GSE1: variants seen among roughly 807,000 people sequenced by gnomAD.
GSE1 encodes the protein Gse1 coiled-coil protein, also known as genetic suppressor element 1.
Under a neutral mutation model 112.6 loss-of-function variants are expected in GSE1, and 32 were observed. The observed-to-expected ratio is 0.28, with a 90% CI of 0.21 to 0.38. The LOEUF (loss-of-function observed/expected upper bound fraction) is 0.38. Ranked by LOEUF, GSE1 falls within the 10% of genes least tolerant of loss-of-function variation. GSE1 has a pLI of 1.00. For synonymous variants in GSE1, 1,115 were observed against 735.6 expected (o/e 1.52, Z -8.35); for missense variants, 2,348 against 1,699.2 (o/e 1.38, Z -6.71).
chr16:85,666,466 C>T (rs537985294), intron 13 of GSE1, 119 bp downstream of exon 13: 2 of 888,056 alleles, frequency 2.3e-6, no homozygotes, highest in East Asian at 2.5e-5. Flanking sequence ...AAACTCCAAT[C>T]ACCAGAAGAA....
chr16:85,300,784 G>A (rs2045501777), intron 1 of GSE1, among the ~76,000 whole-genome samples: 1 of 151,516 alleles, frequency 6.6e-6, no homozygotes, highest in African/African-American at 2.5e-5. Flanking sequence ...TGGATGGTGA[G>A]GCAGGATTTA....
intron 2 of GSE1, among the ~76,000 whole-genome samples, chr16:85,393,355 G>A (rs2047889591): frequency 6.6e-6 from 1 of 152,186 alleles, no homozygotes; most frequent in Non-Finnish European, 1.5e-5. Context: ...GAGGCCAGGG[G>A]CCACACCCTC....
At chr16:85,537,846 G>T (rs1361683484) in intron 2 of GSE1, among the ~76,000 whole-genome samples, 3 of 152,250 alleles carry the variant, frequency 2.0e-5, no homozygotes, top group Non-Finnish European at 4.4e-5. Context: ...GGGCGGTTGG[G>T]GTGGGCCTCT....
At chr16:85,657,881 C>G (rs930342288) in intron 8 of GSE1, among the ~76,000 whole-genome samples, 2 of 152,206 alleles carry the variant, frequency 1.3e-5, no homozygotes, top group African/African-American at 2.4e-5. Context: ...GCAGCCTGAC[C>G]TAGTTCCCAG....
At chr16:85,215,977 G>A (rs1018451046) in intron 1 of GSE1, among the ~76,000 whole-genome samples, 1 of 152,180 alleles carries the variant, frequency 6.6e-6, no homozygotes, top group African/African-American at 2.4e-5. Context: ...TTGGAGGGGT[G>A]GGCCAGAGAC....
intron 1 of GSE1, among the ~76,000 whole-genome samples, chr16:85,229,932 C>T (rs1427589397): frequency 1.3e-5 from 2 of 152,318 alleles, no homozygotes; most frequent in South Asian, 2.1e-4. Context: ...AAGAAAGTGT[C>T]TCCCAGGAGG....
At chr16:85,526,385 G>A (rs1009218341) in intron 2 of GSE1, among the ~76,000 whole-genome samples, 1 of 152,262 alleles carries the variant, frequency 6.6e-6, no homozygotes, top group Admixed American at 6.5e-5. Context: ...GAAGTAGAGT[G>A]CGTGCCCCAC....
chr16:85,649,433 T>C (rs1368667618), intron 3 of GSE1, among the ~76,000 whole-genome samples: 2 of 152,206 alleles, frequency 1.3e-5, no homozygotes, highest in Non-Finnish European at 2.9e-5. Flanking sequence ...ACAAGACATC[T>C]GGTGGGTTTT....
chr16:85,171,018 G>A, exon 1 of GSE1: 5 of 985,674 alleles, frequency 5.1e-6, no homozygotes, highest in Non-Finnish European at 6.0e-6. Flanking sequence ...TCCCCTCCAG[G>A]ATCCTCAACG....
intron 1 of GSE1, among the ~76,000 whole-genome samples, chr16:85,192,259 G>T (rs1054351873): frequency 7.2e-5 from 11 of 152,332 alleles, no homozygotes; most frequent in Admixed American, 1.3e-4. Context: ...CAAGATGCTG[G>T]GGTTCAAATC....
intron 1 of GSE1, among the ~76,000 whole-genome samples, chr16:85,628,740 A>G (rs1444118815): frequency 6.6e-6 from 1 of 152,200 alleles, no homozygotes; most frequent in Non-Finnish European, 1.5e-5. Flanking sequence ...AAATTAGAAC[A>G]TACAGAGAGA....
chr16:85,218,936 G>T (rs1231036154), intron 1 of GSE1, among the ~76,000 whole-genome samples: 3 of 152,174 alleles, frequency 2.0e-5, no homozygotes, highest in Non-Finnish European at 2.9e-5. Flanking sequence ...CTGGAGTGCA[G>T]TGGTGTGATA....
intron 1 of GSE1, among the ~76,000 whole-genome samples, chr16:85,348,493 G>T (rs1367021943): frequency 1.3e-5 from 2 of 152,112 alleles, no homozygotes; most frequent in East Asian, 3.8e-4. Flanking sequence ...CTCTTTCTTG[G>T]TCACCCGGCT....
chr16:85,546,220 G>A (rs1452533539), intron 2 of GSE1, among the ~76,000 whole-genome samples: 1 of 152,180 alleles, frequency 6.6e-6, no homozygotes, highest in African/African-American at 2.4e-5. Context: ...GAGTAGCTGG[G>A]ATTACAGACG....
intron 2 of GSE1, among the ~76,000 whole-genome samples, chr16:85,477,566 G>GT (rs553936246): frequency 0.011 from 1,442 of 128,046 alleles, 29 homozygotes; most frequent in African/African-American, 0.036. Flanking sequence ...TTTTTTTTTT[G>GT]TTTTTTTTTT....
chr16:85,245,456 A>G (rs1232273613), intron 1 of GSE1, among the ~76,000 whole-genome samples: 1 of 152,000 alleles, frequency 6.6e-6, no homozygotes, highest in Non-Finnish European at 1.5e-5. Flanking sequence ...ATACCCATTC[A>G]TGTGTCCTAT....
intron 1 of GSE1, among the ~76,000 whole-genome samples, chr16:85,223,110 C>G (rs894710563): frequency 6.6e-6 from 1 of 152,128 alleles, no homozygotes; most frequent in Non-Finnish European, 1.5e-5. Flanking sequence ...ACCCATTTGT[C>G]TTATCTCAGG....
At chr16:85,170,954 T>G in exon 1 of GSE1, 1 of 985,480 alleles carries the variant, frequency 1.0e-6, no homozygotes, top group Non-Finnish European at 1.2e-6. Flanking sequence ...TCCGGGGCCC[T>G]GCGAGAGGCC....
chr16:85,402,306 G>A (rs908119319), intron 2 of GSE1, among the ~76,000 whole-genome samples: 1 of 152,236 alleles, frequency 6.6e-6, no homozygotes, highest in Non-Finnish European at 1.5e-5. Context: ...GAAGCTCGGG[G>A]GAGAGGAGTC....
Sources: gnomAD v4.1 joint callset for allele counts (sites outside exome capture counted in the v4.1 genomes callset) on GRCh38, gnomAD v4.1.1 for gene constraint, MANE v1.5 for transcripts, NCBI Gene and HGNC (gene_info 2026-07-23, HGNC 2026-07-21) for gene names.